KMT2D: variants seen among roughly 807,000 people sequenced by gnomAD.
KMT2D encodes lysine methyltransferase 2D, also known as histone-lysine N-methyltransferase 2D.
KMT2D carries 55 observed loss-of-function variants against 512.7 expected under a neutral mutation model. The ratio of observed to expected loss-of-function variants is 0.11; its 90% CI spans 0.09 to 0.13. KMT2D has a LOEUF of 0.13. Ranked by LOEUF, KMT2D falls within the 10% of genes least tolerant of loss-of-function variation. KMT2D has a pLI of 1.00. For missense variants in KMT2D, 6,061 were observed against 7,127.9 expected, an observed-to-expected ratio of 0.85 and a Z score of 5.39; for synonymous variants, 2,995 against 2,904.0, an observed-to-expected ratio of 1.03 and a Z score of -1.01.
At chr12:49,029,532 A>G in intron 43 of KMT2D, 56 bp from the exon 44 acceptor site, 1 of 1,287,248 alleles carries the variant, frequency 7.8e-7, no homozygotes, top group Non-Finnish European at 1.1e-6. Flanking sequence ...GGCTGATGGT[A>G]CCTTCTCCCA....
rs1232464691 is a variant in KMT2D at position 49,027,267 on chromosome 12, T to C, written c.14699A>G (p.Asn4900Ser). 1.3e-6 allele frequency: 2 copies of C among 1,554,756 alleles called. No homozygotes were observed. Among genetic ancestry groups the C allele is most frequent in the African/African-American group, 2.7e-5 (2 of 72,998 alleles). ...TQHSYTYNVSNLDVRQLSAPP... is the reference protein window; with the variant it reads ...TQHSYTYNVSSLDVRQLSAPP... ...GGCCGAGAGCTGTCGCACATCCAGA[T>C]TGGAGACATTGTAGGTATAGCTGTG... is the stretch of plus-strand genomic sequence containing the variant. Residue 4900 changes from asparagine to serine, a missense_variant, in exon 49 of 55, where the codon AAT (asparagine) becomes AGT (serine). Physicochemically the swap from Asn to Ser is conservative, Grantham distance 46 (BLOSUM62 1). This residue lies in a region of KMT2D where 1,600 missense variants were observed against 1,754.9 expected (regional missense o/e 0.91). Transcript: ENST00000301067.
intron 10 of KMT2D, 39 bp downstream of exon 10, chr12:49,052,525 A>G: frequency 1.2e-6 from 2 of 1,606,352 alleles, no homozygotes; most frequent in Non-Finnish European, 1.7e-6. Flanking sequence ...CCATAGAATA[A>G]AAGGGGATGA....
At position 49,042,248 on chromosome 12, in the gene KMT2D, G is replaced by T; in HGVS notation, c.5950C>A (p.Pro1984Thr). Residue 1984 changes from proline (P) to threonine (T), a missense_variant, in exon 29 of 55, where the codon CCC (proline) becomes ACC (threonine). By Grantham distance (38) the Pro-to-Thr change is conservative (BLOSUM62 -1). This residue lies in a region of KMT2D where 640 missense variants were observed against 814.3 expected (regional missense o/e 0.79). Coordinates refer to ENST00000301067, the MANE Select transcript of KMT2D (RefSeq NM_003482.4). This position sits in a 1 kb window ranked among gnomAD's most constrained non-coding sequence, Gnocchi z 4.4. ...TGSGGTTPST[P>T]TTPTTEGEGD... ...TCACCCTCCGTGGTGGGGGTTGTGG[G>T]GGTGGAGGGCGTGGTGCCACCTGAG... The T allele has an allele frequency of 6.3e-7, 1 of 1,587,612 alleles. No homozygotes were observed. The highest frequency in any genetic ancestry group is 8.6e-7 in the Non-Finnish European group (1 of 1,167,316).
intron 43 of KMT2D, among the ~76,000 whole-genome samples, 171 bp from the exon 44 acceptor site, chr12:49,029,647 T>C (rs1424629627): frequency 1.3e-5 from 2 of 151,624 alleles, no homozygotes; most frequent in Admixed American, 6.6e-5. Context: ...CTGTCCTGCA[T>C]GCCAGGCACT....
At position 49,043,719 on chromosome 12, in the gene KMT2D, C is replaced by T. The variant is rs1485331080; in HGVS notation, c.5383G>A (p.Gly1795Ser). 6.2e-7 allele frequency: 1 copy of T among 1,613,856 alleles called. No individual in the cohort carries two copies. The highest frequency in any genetic ancestry group is 8.5e-7 in the Non-Finnish European group (1 of 1,179,868). Reference protein sequence around the residue: ...SRKALFAVGVGRPSFGLGTPK... With the variant: ...SRKALFAVGVSRPSFGLGTPK... ...GTCCCTAGTCCAAAGCTTGGCCGGC[C>T]CACCCCAACTGCAAAAAGGGCCTTA... Residue 1795 changes from glycine to serine, a missense_variant, in exon 24 of 55, where the codon GGC (glycine) becomes AGC (serine). By Grantham distance (56) the Gly-to-Ser change is moderately conservative (BLOSUM62 0). Transcript: ENST00000301067.
In KMT2D at chr12:49,041,872, C is replaced by T. The variant is rs1335825052; in HGVS notation, c.6183+45G>A. On this transcript the variant is annotated intron_variant, in intron 30 of 54. Coordinates refer to ENST00000301067, the MANE Select transcript of KMT2D (RefSeq NM_003482.4). This position sits in a 1 kb window ranked among gnomAD's most constrained non-coding sequence, Gnocchi z 5.4. ...AGGTAAATTACCCAAAGATCCCTCCCTCCCTCTCAGTTCCCACGCTAATCC... is the reference window on the plus strand; with the variant it reads ...AGGTAAATTACCCAAAGATCCCTCCTTCCCTCTCAGTTCCCACGCTAATCC... 1 of 1,560,772 alleles carries T rather than the reference C, an allele frequency of 6.4e-7. No homozygotes were observed. The highest frequency in any genetic ancestry group is 2.3e-5 in the East Asian group (1 of 42,886).
In KMT2D at chr12:49,051,638, G is replaced by A. The variant is rs1938035004; in HGVS notation, c.2045C>T (p.Pro682Leu). Residue 682 changes from proline to leucine, a missense_variant, in exon 11 of 55, where the codon CCT becomes CTT. Pro to Leu is a moderately conservative substitution (Grantham distance 98). Transcript: ENST00000301067. ...GGAGAGGCGTGAAGCCTCAGGTGGAGGGGACGTGGGAGACTCCTCAGGCGG... is the reference window on the plus strand; with the variant it reads ...GGAGAGGCGTGAAGCCTCAGGTGGAAGGGACGTGGGAGACTCCTCAGGCGG... Reference protein sequence around the residue: ...SPPPEESPTSPPPEASRLSPP... With the variant: ...SPPPEESPTSLPPEASRLSPP... 6.4e-7 allele frequency: 1 copy of A among 1,573,122 alleles called. No individual in the cohort carries two copies. The highest frequency in any genetic ancestry group is 8.6e-7 in the Non-Finnish European group (1 of 1,156,890).
chr12:49,052,192 C>A lies in KMT2D; in HGVS notation c.1491G>T (p.Pro497=), dbSNP rs1438902528. 1 of 1,612,588 alleles carries A rather than the reference C, an allele frequency of 6.2e-7. No homozygotes were observed. The highest frequency in any genetic ancestry group is 8.5e-7 in the Non-Finnish European group (1 of 1,179,480). The change falls in exon 11 of 55, where the codon CCG becomes CCT. Residue 497 remains proline, a synonymous_variant. Coordinates refer to ENST00000301067, the MANE Select transcript of KMT2D (RefSeq NM_003482.4). ...RPLEESPLSP[P]PEESPLSPPP... ...GGGGAGACAGAGGAGACTCCTCAGG[C>A]GGCGGAGAGAGGGGCGATTCCTCCA... is the stretch of plus-strand genomic sequence containing the variant.
Position 49,046,635 on chromosome 12 carries a change from G to T in KMT2D, c.4392C>A (p.Val1464=), listed in dbSNP as rs758265897. The T allele has an allele frequency of 3.9e-5, 63 of 1,613,240 alleles. No individual in the cohort carries two copies. The Middle Eastern group carries it at 6.6e-4, about 17-fold the overall frequency. ...TYCLDPPLLT[V]PKGGWKCKWC... is the part of the protein sequence containing the mutation. ...ACTTGCACTTCCAGCCGCCCTTGGGGACGGTGAGCAGTGGGGGGTCCAGGC... is the reference window on the plus strand; with the variant it reads ...ACTTGCACTTCCAGCCGCCCTTGGGTACGGTGAGCAGTGGGGGGTCCAGGC... Residue 1464 remains valine (V), a synonymous_variant, in exon 16 of 55, where the codon GTC becomes GTA. Coordinates refer to ENST00000301067, the MANE Select transcript of KMT2D (RefSeq NM_003482.4). The surrounding 1 kb of genome is among the most constrained non-coding windows in gnomAD (Gnocchi z 4.2).
rs2120429357 is a variant in KMT2D at position 49,032,199 on chromosome 12, C to A, written c.12506G>T (p.Gly4169Val). The change falls in exon 40 of 55, where the codon GGG becomes GTG. Residue 4169 changes from glycine (G) to valine (V), a missense_variant. Around this residue, in one of 16 missense-constraint regions of KMT2D, gnomAD observed 1,600 missense variants for 1,754.9 expected, o/e 0.91. Coordinates refer to ENST00000301067, the MANE Select transcript of KMT2D (RefSeq NM_003482.4). Reference sequence around the variant, plus strand: ...AGGTCCTGGTTTGGGAGGTTGTGGCCCTGTATTATTTTGCATGGGCCGCTC... The same window carrying A: ...AGGTCCTGGTTTGGGAGGTTGTGGCACTGTATTATTTTGCATGGGCCGCTC... ...MLERPMQNNT[G>V]PQPPKPGPVL... 4 of 1,612,794 alleles carry A rather than the reference C, an allele frequency of 2.5e-6. No homozygotes were observed. Among genetic ancestry groups the A allele is most frequent in the Non-Finnish European group, 3.4e-6 (4 of 1,179,050 alleles).
Position 49,051,401 on chromosome 12 carries a change from A to G in KMT2D, c.2282T>C (p.Leu761Pro). 1 of 1,610,794 alleles carries G rather than the reference A, an allele frequency of 6.2e-7. No homozygotes were observed. The highest frequency in any genetic ancestry group is 2.2e-5 in the East Asian group (1 of 44,820). The change falls in exon 11 of 55, where the codon CTA (leucine) becomes CCA (proline). Residue 761 changes from leucine (L) to proline (P), a missense_variant. By Grantham distance (98) the Leu-to-Pro change is moderately conservative. Transcript: ENST00000301067. ...HLSPRPEEPH[L>P]SPQAEEPHLS... ...GTGTGGCTCCTCAGCCTGCGGAGAT[A>G]GGTGTGGCTCCTCAGGCCGGGGGGA...
Position 49,020,463 on chromosome 12 carries a change from T to A in KMT2D, c.*1317A>T. ...ATATAAAGCACAAAAATTAGTAGTT[T>A]TACATTTGCTCTCCCCGGGGGGTGG... On this transcript the variant is annotated 3_prime_UTR_variant, in exon 55 of 55. Coordinates refer to ENST00000301067, the MANE Select transcript of KMT2D (RefSeq NM_003482.4). 5.2e-6 allele frequency: 1 copy of A among 192,744 alleles called. No homozygotes were observed. The highest frequency in any genetic ancestry group is 1.1e-5 in the Non-Finnish European group (1 of 92,312). 11.9% of individuals were successfully genotyped at this position (192,744 alleles called of 1,614,324 possible).
rs1938044612 is a variant in KMT2D, at chr12:49,051,705, A to C, written c.1978T>G (p.Ser660Ala). The stretch of plus-strand genomic sequence containing the variant: ...TCCTCAGGCGGTGGAGACAGGCGTG[A>C]CACCACAGGCAGGGGGGATAGGCGC... ...VSRLSPLPVV[S>A]RLSPPPEESP... The change falls in exon 11 of 55, where the codon TCA (serine) becomes GCA (alanine). Residue 660 changes from serine (S) to alanine (A), a missense_variant. Physicochemically the swap from Ser to Ala is moderately conservative, Grantham distance 99. This residue lies in a region of KMT2D where 848 missense variants were observed against 838.5 expected (regional missense o/e 1.01). Transcript: ENST00000301067. 1.5e-6 allele frequency: 2 copies of C among 1,333,044 alleles called. No homozygotes were observed. Among genetic ancestry groups the C allele is most frequent in the South Asian group, 2.4e-5 (2 of 84,068 alleles). 82.6% of individuals were successfully genotyped at this position (1,333,044 alleles called of 1,614,324 possible). A position where few individuals can be genotyped will look rare whatever the true frequency, so the allele number is the denominator to read the frequency against.
rs184613763 is a variant in KMT2D, at chr12:49,055,929, C to T, written c.-37-568G>A. Reference sequence around the variant, plus strand: ...TCTCCCCCACCGCCACTTGTTTCTACGAGGACATCACCATTACAAAAGAAG... The same window carrying T: ...TCTCCCCCACCGCCACTTGTTTCTATGAGGACATCACCATTACAAAAGAAG... On this transcript the variant is annotated intron_variant, in intron 1 of 54. Transcript: ENST00000301067. 5.9e-5 allele frequency among the ~76,000 whole-genome samples: 9 copies of T among 152,308 alleles called. No homozygotes were observed. In the East Asian group the frequency reaches 1.2e-3, roughly 20 times the overall value.
intron 35 of KMT2D, chr12:49,035,543 T>C (rs1184851518): frequency 9.2e-5 from 14 of 152,270 alleles, no homozygotes; most frequent in Admixed American, 7.2e-4. Flanking sequence ...TAACTGAGCA[T>C]CCACTTTCTT....
At position 49,024,111 on chromosome 12, in the gene KMT2D, A is replaced by G; in HGVS notation, c.16052+467T>C. 1 of 456,452 alleles carries G rather than the reference A, an allele frequency of 2.2e-6. No individual in the cohort carries two copies. Among genetic ancestry groups the G allele is most frequent in the Non-Finnish European group, 4.4e-6 (1 of 227,538 alleles). The allele number at this position is 456,452 out of a possible 1,614,324, so 28.3% of individuals were successfully genotyped here. ...ATGGATGTGAAAACGCTTTGAAAAA[A>G]AAAGTATAAAGTGCTATACAAATGT... On this transcript the variant is annotated intron_variant, in intron 51 of 54. Transcript: ENST00000301067. The surrounding 1 kb of genome is among the most constrained non-coding windows in gnomAD (Gnocchi z 4.5).
chr12:49,048,141 C>T (rs1305114917), intron 14 of KMT2D, 72 bp from the exon 15 acceptor site: 43 of 1,003,342 alleles, frequency 4.3e-5, no homozygotes, highest in East Asian at 1.5e-4. Flanking sequence ...TCTACTATGA[C>T]GCTACAACAC....
Position 49,042,719 on chromosome 12 carries a change from A to G in KMT2D, c.5782+22T>C. On this transcript the variant is annotated intron_variant, in intron 27 of 54. Coordinates refer to ENST00000301067, the MANE Select transcript of KMT2D (RefSeq NM_003482.4). This position sits in a 1 kb window ranked among gnomAD's most constrained non-coding sequence, Gnocchi z 4.4. ...GGCAAGCTTGGTTATGTCAGTCTTCAGACCACTCCCACCTGTATTACCTTG... is the reference window on the plus strand; with the variant it reads ...GGCAAGCTTGGTTATGTCAGTCTTCGGACCACTCCCACCTGTATTACCTTG... The G allele has an allele frequency of 6.2e-7, 1 of 1,610,828 alleles. No individual in the cohort carries two copies. The highest frequency in any genetic ancestry group is 8.5e-7 in the Non-Finnish European group (1 of 1,177,770).
rs751536255 is a variant in KMT2D, at chr12:49,049,787, A to G, written c.3801T>C (p.Thr1267=). ...LRLCTDSLPE[T]DDSLLCDAGT... ...CAGCATCGCACAATAGTGAGTCATCAGTCTCTGGCAGTGAGTCAGTACAGA... is the reference window on the plus strand; with the variant it reads ...CAGCATCGCACAATAGTGAGTCATCGGTCTCTGGCAGTGAGTCAGTACAGA... The change falls in exon 12 of 55, where the codon ACT becomes ACC. Residue 1267 remains threonine, a synonymous_variant. Coordinates refer to ENST00000301067, the MANE Select transcript of KMT2D (RefSeq NM_003482.4). 3 of 1,613,776 alleles carry G rather than the reference A, an allele frequency of 1.9e-6. No homozygotes were observed. The highest frequency in any genetic ancestry group is 1.7e-6 in the Non-Finnish European group (2 of 1,179,728).
Sources: gnomAD v4.1 joint callset for allele counts (sites outside exome capture counted in the v4.1 genomes callset) on GRCh38, gnomAD v4.1.1 for gene constraint, gnomAD v4.1.1 regional missense constraint, Gnocchi (gnomAD v3.1) non-coding constraint, MANE v1.5 for transcripts, NCBI Gene and HGNC (gene_info 2026-07-23, HGNC 2026-07-21) for gene names.